Variants in PALM2AKAP2 observed in about 807,000 individuals in gnomAD.
PALM2AKAP2 encodes the protein PALM2-AKAP2 fusion protein.
In PALM2AKAP2, 37 loss-of-function variants were observed where a neutral mutation model predicts 71.5. The observed-to-expected ratio is 0.52, with a 90% CI of 0.40 to 0.68. PALM2AKAP2 has a LOEUF of 0.68. Among genes scored for constraint, PALM2AKAP2 ranks in the 30% least tolerant of loss-of-function variants. The pLI, the probability that PALM2AKAP2 is intolerant of heterozygous loss-of-function variation, is 0.00. For synonymous variants in PALM2AKAP2, 468 were observed against 478.8 expected, an observed-to-expected ratio of 0.98 and a Z score of 0.29; for missense variants, 1,224 against 1,191.8, an observed-to-expected ratio of 1.03 and a Z score of -0.40.
At chr9:109,810,819 G>A (rs1300776249) in intron 1 of PALM2AKAP2, among the ~76,000 whole-genome samples, 1 of 152,158 alleles carries the variant, frequency 6.6e-6, no homozygotes, top group Admixed American at 6.5e-5. Context: ...TGGGAAATGA[G>A]GAAGGCATCG....
intron 1 of PALM2AKAP2, among the ~76,000 whole-genome samples, chr9:110,084,390 T>C (rs1370070933): frequency 6.6e-6 from 1 of 152,104 alleles, no homozygotes; most frequent in African/African-American, 2.4e-5. Context: ...ATTCTCCATA[T>C]TGAGAAGTTA....
intron 3 of PALM2AKAP2, among the ~76,000 whole-genome samples, chr9:110,159,006 A>T (rs936441178): frequency 2.8e-4 from 42 of 152,284 alleles, no homozygotes; most frequent in African/African-American, 9.6e-4. Flanking sequence ...ATCTGTGTCA[A>T]TCACTGGTGA....
At chr9:109,967,657 G>A (rs1024111216) in intron 6 of PALM2AKAP2, among the ~76,000 whole-genome samples, 11 of 152,282 alleles carry the variant, frequency 7.2e-5, no homozygotes, top group East Asian at 1.9e-4. Context: ...TGATCTGCCC[G>A]CCTTGGCCTC....
intron 2 of PALM2AKAP2, among the ~76,000 whole-genome samples, chr9:109,874,624 G>T (rs1452521627): frequency 6.6e-6 from 1 of 152,176 alleles, no homozygotes; most frequent in Non-Finnish European, 1.5e-5. Flanking sequence ...AGTCTTCCAT[G>T]TTCAACTGCT....
chr9:109,806,249 T>C (rs751901339), intron 1 of PALM2AKAP2, among the ~76,000 whole-genome samples: 7 of 152,262 alleles, frequency 4.6e-5, no homozygotes, highest in Admixed American at 2.0e-4. Context: ...AAAAGTGGTC[T>C]TTCCAAAACA....
At chr9:109,819,717 G>A (rs913778349) in intron 1 of PALM2AKAP2, among the ~76,000 whole-genome samples, 10 of 151,736 alleles carry the variant, frequency 6.6e-5, no homozygotes, top group East Asian at 3.9e-4. Context: ...GTGTGTGTGT[G>A]TGTGTGTGTG....
At chr9:109,810,598 G>A in intron 1 of PALM2AKAP2, among the ~76,000 whole-genome samples, 1 of 152,132 alleles carries the variant, frequency 6.6e-6, no homozygotes, top group East Asian at 1.9e-4. Context: ...AGAATGAGAT[G>A]AGGCAGCAGG....
At chr9:109,900,896 C>A (rs1191009611) in intron 3 of PALM2AKAP2, among the ~76,000 whole-genome samples, 2 of 152,210 alleles carry the variant, frequency 1.3e-5, no homozygotes, top group Non-Finnish European at 2.9e-5. Context: ...ATACCTGAAT[C>A]TTTTAAATCA....
intron 6 of PALM2AKAP2, among the ~76,000 whole-genome samples, chr9:109,962,834 G>GA (rs1267025905): frequency 6.6e-6 from 1 of 152,154 alleles, no homozygotes; most frequent in Non-Finnish European, 1.5e-5. Context: ...GTAGAGATGA[G>GA]ATTTTTGCCA....
intron 1 of PALM2AKAP2, among the ~76,000 whole-genome samples, chr9:109,805,098 T>C (rs543298827): frequency 1.3e-5 from 2 of 152,374 alleles, no homozygotes; most frequent in Non-Finnish European, 2.9e-5. Context: ...TGCAAGTGCC[T>C]GAAAACCTGG....
intron 1 of PALM2AKAP2, among the ~76,000 whole-genome samples, chr9:109,825,806 C>A (rs1392361440): frequency 6.6e-6 from 1 of 152,122 alleles, no homozygotes; most frequent in African/African-American, 2.4e-5. Context: ...GACAGTGTGG[C>A]GATTCCTCAG....
chr9:110,163,502 C>T (rs1314484844), intron 3 of PALM2AKAP2, among the ~76,000 whole-genome samples: 1 of 152,210 alleles, frequency 6.6e-6, no homozygotes, highest in Non-Finnish European at 1.5e-5. Context: ...CTTACAATCT[C>T]GCAGAGGTAA....
chr9:110,048,893 T>C (rs1167504210), intron 1 of PALM2AKAP2: 15 of 1,484,002 alleles, frequency 1.0e-5, no homozygotes, highest in Non-Finnish European at 1.3e-5. Context: ...GGCTGGAGTG[T>C]CCTCGAGTGT....
chr9:110,039,988 G>A (rs1309126483), intron 7 of PALM2AKAP2, among the ~76,000 whole-genome samples: 1 of 152,066 alleles, frequency 6.6e-6, no homozygotes, highest in African/African-American at 2.4e-5. Flanking sequence ...AGGAATGAAG[G>A]AAGGAGAGAA....
chr9:109,815,651 C>A (rs557260491), intron 1 of PALM2AKAP2, among the ~76,000 whole-genome samples: 6 of 152,134 alleles, frequency 3.9e-5, no homozygotes, highest in Non-Finnish European at 8.8e-5. Flanking sequence ...ATTGAACATA[C>A]CAACTAGAAG....
chr9:110,169,365 C>T (rs1360813159), exon 4 of PALM2AKAP2: 1 of 152,006 alleles, frequency 6.6e-6, no homozygotes, highest in Non-Finnish European at 1.5e-5. Context: ...AATCTGTACG[C>T]GTTGAACAAC....
chr9:110,119,091 T>A (rs1239015245), intron 1 of PALM2AKAP2, among the ~76,000 whole-genome samples: 1 of 152,102 alleles, frequency 6.6e-6, no homozygotes, highest in Non-Finnish European at 1.5e-5. Flanking sequence ...ACGCCTGTAA[T>A]CCCAGCACTT....
chr9:109,788,506 T>C (rs1827025283), intron 1 of PALM2AKAP2, among the ~76,000 whole-genome samples: 2 of 152,208 alleles, frequency 1.3e-5, no homozygotes, highest in South Asian at 4.1e-4. Flanking sequence ...GAGTGTCTAA[T>C]TCTGTAGGTC....
intron 1 of PALM2AKAP2, among the ~76,000 whole-genome samples, chr9:109,749,552 G>GA (rs11424372): frequency 0.84 from 120,492 of 144,130 alleles, 50,412 homozygotes; most frequent in African/African-American, 0.94. Context: ...TCATAGGTTA[G>GA]AAAAAAAAAA....
Sources: gnomAD v4.1 joint callset for allele counts (sites outside exome capture counted in the v4.1 genomes callset) on GRCh38, gnomAD v4.1.1 for gene constraint, MANE v1.5 for transcripts, NCBI Gene and HGNC (gene_info 2026-07-23, HGNC 2026-07-21) for gene names.